Variants in BTLA observed in about 807,000 individuals in gnomAD.
The protein encoded by BTLA is B and T lymphocyte associated.
In BTLA, 11 loss-of-function variants were observed where a neutral mutation model predicts 25.0. The ratio of observed to expected loss-of-function variants is 0.44; its 90% confidence interval spans 0.28 to 0.73. The LOEUF is 0.73. BTLA is among the 30% of genes least tolerant of loss of function. The pLI is 0.15. For missense variants in BTLA, 282 were observed against 332.8 expected (o/e 0.85, Z 1.19); for synonymous variants, 104 against 119.8 (o/e 0.87, Z 0.86).
intron 2 of BTLA, among the ~76,000 whole-genome samples, chr3:112,474,833 C>T (rs1016652559): frequency 5.9e-5 from 9 of 152,094 alleles, no homozygotes; most frequent in Non-Finnish European, 1.3e-4. Flanking sequence ...CAAGTAAGGC[C>T]GTCAGGCTGC....
intron 3 of BTLA, among the ~76,000 whole-genome samples, chr3:112,471,009 T>C (rs2082259245): frequency 6.6e-6 from 1 of 152,234 alleles, no homozygotes; most frequent in Non-Finnish European, 1.5e-5. Flanking sequence ...GTGGTGAGCA[T>C]GCCTCTCCCG....
At chr3:112,477,360 T>G (rs969010633) in intron 2 of BTLA, among the ~76,000 whole-genome samples, 5 of 149,506 alleles carry the variant, frequency 3.3e-5, no homozygotes, top group Admixed American at 6.7e-5. Context: ...TTTCTGTGTT[T>G]TTTTTTTTTA....
Position 112,499,365 on chromosome 3 carries a change from C to T in BTLA, c.-7G>A. 2 of 1,612,310 alleles carry T rather than the reference C, an allele frequency of 1.2e-6. No homozygotes were observed. Among genetic ancestry groups the T allele is most frequent in the Non-Finnish European group, 1.7e-6 (2 of 1,179,272 alleles). On this transcript the variant is annotated 5_prime_UTR_variant, in exon 1 of 5. Coordinates refer to ENST00000334529, the MANE Select transcript of BTLA (RefSeq NM_181780.4). ...TGGCAGGCAATGTCTTCATTTCCTGCACATATCAGTGATGGAAAAACTGCT... is the reference window on the plus strand; with the variant it reads ...TGGCAGGCAATGTCTTCATTTCCTGTACATATCAGTGATGGAAAAACTGCT...
intron 3 of BTLA, chr3:112,470,006 C>A: frequency 2.0e-6 from 1 of 488,310 alleles, no homozygotes; most frequent in Non-Finnish European, 3.7e-6. Flanking sequence ...TTTCAGTCCA[C>A]ATAGCCCCAT....
intron 1 of BTLA, among the ~76,000 whole-genome samples, chr3:112,479,992 GA>G (rs147595398): frequency 0.025 from 3,812 of 152,240 alleles, 166 homozygotes; most frequent in African/African-American, 0.087. Context: ...TCAGGCCTTT[GA>G]GCCCAAGCTA....
At chr3:112,478,711 G>A (rs142572811) in intron 2 of BTLA, among the ~76,000 whole-genome samples, 5 of 152,184 alleles carry the variant, frequency 3.3e-5, no homozygotes, top group African/African-American at 1.2e-4. Flanking sequence ...TGTTCTTAGG[G>A]GGAAAGCTCT....
chr3:112,488,166 C>G (rs1351050965), intron 1 of BTLA, among the ~76,000 whole-genome samples: 2 of 151,672 alleles, frequency 1.3e-5, no homozygotes, highest in African/African-American at 4.8e-5. Context: ...CAAACTTGGC[C>G]TTGTTTCCCT....
rs1168301442 is a variant in BTLA, at chr3:112,499,447, A to G, written c.-89T>C. 2.3e-6 allele frequency: 2 copies of G among 873,650 alleles called. No homozygotes were observed. The highest frequency in any genetic ancestry group is 3.4e-6 in the Non-Finnish European group (2 of 591,562). The allele number at this position is 873,650 out of a possible 1,614,324, so 54.1% of individuals were successfully genotyped here. On this transcript the variant is annotated 5_prime_UTR_variant, in exon 1 of 5. An upstream open reading frame in the 5' UTR loses its in-frame stop. Coordinates refer to ENST00000334529, the MANE Select transcript of BTLA (RefSeq NM_181780.4). Reference sequence around the variant, plus strand: ...GCTGCAGAGTTGGGTCAGTTTACCTACCCCAGTGGCATCTGTGAAATAACT... The same window carrying G: ...GCTGCAGAGTTGGGTCAGTTTACCTGCCCCAGTGGCATCTGTGAAATAACT...
chr3:112,466,501 A>G (rs2082228211), intron 4 of BTLA, 118 bp from the exon 5 acceptor site: 2 of 877,964 alleles, frequency 2.3e-6, no homozygotes, highest in Non-Finnish European at 3.3e-6. Context: ...GAAATAATCT[A>G]CTGTTCCTCA....
At chr3:112,496,358 A>G (rs1321374616) in intron 1 of BTLA, among the ~76,000 whole-genome samples, 1 of 151,880 alleles carries the variant, frequency 6.6e-6, no homozygotes, top group Non-Finnish European at 1.5e-5. Flanking sequence ...GAGAAACACA[A>G]AAAGTAAGCA....
Position 112,465,323 on chromosome 3 carries a change from A to C in BTLA, c.*785T>G, listed in dbSNP as rs887881361. On this transcript the variant is annotated 3_prime_UTR_variant, in exon 5 of 5. Coordinates refer to ENST00000334529, the MANE Select transcript of BTLA (RefSeq NM_181780.4). Reference sequence around the variant, plus strand: ...ATTCTGACTAACTTTTAAACTATTCAGATGCCCATAAGTATATTAATTCAG... The same window carrying C: ...ATTCTGACTAACTTTTAAACTATTCCGATGCCCATAAGTATATTAATTCAG... 1 of 152,642 alleles carries C rather than the reference A, an allele frequency of 6.6e-6. No individual in the cohort carries two copies. Among genetic ancestry groups the C allele is most frequent in the Non-Finnish European group, 1.5e-5 (1 of 68,028 alleles). 9.5% of individuals were successfully genotyped at this position (152,642 alleles called of 1,614,324 possible).
At chr3:112,499,127 G>A (rs984770147) in intron 1 of BTLA, 144 bp downstream of exon 1, 3 of 603,544 alleles carry the variant, frequency 5.0e-6, no homozygotes, top group Middle Eastern at 5.2e-4. Flanking sequence ...CGATGTCTTC[G>A]GTAAGCAAAT....
intron 4 of BTLA, among the ~76,000 whole-genome samples, chr3:112,468,721 T>C (rs1256945127): frequency 6.6e-6 from 1 of 152,132 alleles, no homozygotes; most frequent in African/African-American, 2.4e-5. Context: ...TTTATTATTA[T>C]TTACTATAGA....
chr3:112,499,410 C>G lies in BTLA; in HGVS notation c.-52G>C, dbSNP rs373369960. On this transcript the variant is annotated 5_prime_UTR_variant, in exon 1 of 5. Transcript: ENST00000334529. ...ACTGCTCAAGTAGAAGGCTTTGCTTCGTCTTCTGAGTGCTGCAGAGTTGGG... is the reference window on the plus strand; with the variant it reads ...ACTGCTCAAGTAGAAGGCTTTGCTTGGTCTTCTGAGTGCTGCAGAGTTGGG... 1.9e-5 allele frequency: 29 copies of G among 1,541,268 alleles called. No individual in the cohort carries two copies. Among genetic ancestry groups the G allele is most frequent in the African/African-American group, 4.1e-5 (3 of 72,626 alleles).
intron 2 of BTLA, among the ~76,000 whole-genome samples, chr3:112,477,294 C>T (rs2082293733): frequency 6.6e-6 from 1 of 151,694 alleles, no homozygotes; most frequent in Non-Finnish European, 1.5e-5. Context: ...ATTTTACATT[C>T]TCCTCAGCAA....
intron 2 of BTLA, among the ~76,000 whole-genome samples, chr3:112,477,875 A>G (rs1057170659): frequency 6.6e-5 from 10 of 152,020 alleles, no homozygotes; most frequent in African/African-American, 1.9e-4. Context: ...ATTTATTGAG[A>G]CTATTCTTTC....
chr3:112,466,356 T>C lies in BTLA; in HGVS notation c.622A>G (p.Thr208Ala). ...LVDAHLKSEQTEASTRQNSQV... is the reference protein window; with the variant it reads ...LVDAHLKSEQAEASTRQNSQV... ...GAATTTTGCCTGGTGCTTGCTTCTG[T>C]TTGCTCACTCTTAAGGTGAGCATCA... is the stretch of plus-strand genomic sequence containing the variant. Residue 208 changes from threonine (T) to alanine (A), a missense_variant, in exon 5 of 5, where the codon ACA becomes GCA. By Grantham distance (58) the Thr-to-Ala change is moderately conservative. This residue lies in a region of BTLA where 119 missense variants were observed against 102.3 expected (regional missense o/e 1.16). Transcript: ENST00000334529. 6.2e-7 allele frequency: 1 copy of C among 1,612,218 alleles called. No homozygotes were observed. The highest frequency in any genetic ancestry group is 8.5e-7 in the Non-Finnish European group (1 of 1,178,990).
At chr3:112,477,167 A>G (rs985404586) in intron 2 of BTLA, among the ~76,000 whole-genome samples, 1 of 152,156 alleles carries the variant, frequency 6.6e-6, no homozygotes, top group African/African-American at 2.4e-5. Flanking sequence ...GTGTGAACAT[A>G]TATTTTAATT....
chr3:112,494,780 T>TA (rs1423977773), intron 1 of BTLA, among the ~76,000 whole-genome samples: 1 of 151,950 alleles, frequency 6.6e-6, no homozygotes, highest in Non-Finnish European at 1.5e-5. Context: ...AGAGGGAACT[T>TA]AGAGGATGGG....
Sources: gnomAD v4.1 joint callset for allele counts (sites outside exome capture counted in the v4.1 genomes callset) on GRCh38, gnomAD v4.1.1 for gene constraint, gnomAD v4.1.1 regional missense constraint, MANE v1.5 for transcripts, NCBI Gene and HGNC (gene_info 2026-07-23, HGNC 2026-07-21) for gene names.